Variants in ABHD17C observed in about 807,000 individuals in gnomAD.
ABHD17C encodes the protein abhydrolase domain containing 17C, depalmitoylase.
ABHD17C carries 11 observed loss-of-function variants against 27.9 expected under a neutral mutation model. The observed-to-expected ratio is 0.39, with a 90% confidence interval of 0.25 to 0.65. ABHD17C has a LOEUF of 0.65. Ranked by LOEUF, ABHD17C falls within the 30% of genes least tolerant of loss-of-function variation. The pLI, the probability that ABHD17C is intolerant of heterozygous loss-of-function variation, is 0.45. For missense variants in ABHD17C, 280 were observed against 470.2 expected (o/e 0.60, Z 3.74); for synonymous variants, 233 against 209.1 (o/e 1.11, Z -0.98).
chr15:80,719,264 A>G lies in ABHD17C; in HGVS notation c.590+23245A>G, dbSNP rs1348063678. On this transcript the variant is annotated intron_variant, in intron 1 of 2. Coordinates refer to ENST00000258884, the MANE Select transcript of ABHD17C (RefSeq NM_021214.2). ...TGTTGACTTTCTGCAAAGAAGTGAGAATTTTTCTTGGTTAACCAATTTTGC... is the reference window on the plus strand; with the variant it reads ...TGTTGACTTTCTGCAAAGAAGTGAGGATTTTTCTTGGTTAACCAATTTTGC... Among the ~76,000 whole-genome samples the G allele has an allele frequency of 3.9e-5, 6 of 152,300 alleles. No individual in the cohort carries two copies. In the East Asian group the frequency reaches 1.2e-3, roughly 29 times the overall value.
chr15:80,746,145 G>C (rs547411509), intron 1 of ABHD17C, among the ~76,000 whole-genome samples: 265 of 152,268 alleles, frequency 1.7e-3, no homozygotes, highest in African/African-American at 6.2e-3. Context: ...TAAATGTGTA[G>C]AGTATCACAT....
intron 1 of ABHD17C, among the ~76,000 whole-genome samples, chr15:80,706,707 C>T (rs1894653586): frequency 6.6e-6 from 1 of 152,170 alleles, no homozygotes; most frequent in Non-Finnish European, 1.5e-5. Context: ...CTGTCATGGA[C>T]ATAACTAAAC....
chr15:80,715,114 T>C (rs1894785898), intron 1 of ABHD17C, among the ~76,000 whole-genome samples: 1 of 152,246 alleles, frequency 6.6e-6, no homozygotes, highest in African/African-American at 2.4e-5. Flanking sequence ...TTACTTTGTA[T>C]ACCCCTAGAG....
intron 1 of ABHD17C, among the ~76,000 whole-genome samples, chr15:80,696,855 T>G (rs1182346351): frequency 1.3e-5 from 2 of 152,210 alleles, no homozygotes; most frequent in Non-Finnish European, 2.9e-5. Context: ...TAGACAAAAG[T>G]CTTATACATG....
intron 1 of ABHD17C, among the ~76,000 whole-genome samples, chr15:80,748,968 T>C (rs1342438001): frequency 6.6e-6 from 1 of 152,060 alleles, no homozygotes; most frequent in Non-Finnish European, 1.5e-5. Flanking sequence ...ACTGATGGAT[T>C]GAAAGACTTG....
intron 1 of ABHD17C, among the ~76,000 whole-genome samples, chr15:80,726,264 A>T (rs1487296637): frequency 6.6e-6 from 1 of 151,922 alleles, no homozygotes; most frequent in Non-Finnish European, 1.5e-5. Flanking sequence ...TAAACCCACA[A>T]CCTTCCAGCT....
At position 80,734,189 on chromosome 15, in the gene ABHD17C, T is replaced by C. The variant is rs371101534; in HGVS notation, c.591-15324T>C. Among the ~76,000 whole-genome samples, 10 of 152,232 alleles carry C rather than the reference T, an allele frequency of 6.6e-5. 1 individual carries two copies. Among genetic ancestry groups the C allele is most frequent in the Admixed American group, 6.5e-5 (1 of 15,302 alleles). On this transcript the variant is annotated intron_variant, in intron 1 of 2. Coordinates refer to ENST00000258884, the MANE Select transcript of ABHD17C (RefSeq NM_021214.2). ...TGGTAGAGATAGGGATTCACCATGT[T>C]GCCCAGAGTGGTCTTGAACTCCTGG...
chr15:80,700,997 G>A (rs1006290164), intron 1 of ABHD17C, among the ~76,000 whole-genome samples: 1 of 152,156 alleles, frequency 6.6e-6, no homozygotes, highest in Non-Finnish European at 1.5e-5. Flanking sequence ...TTGAAGTATC[G>A]TTAATCCCAA....
At chr15:80,710,391 A>T (rs985022021) in intron 1 of ABHD17C, among the ~76,000 whole-genome samples, 3 of 152,182 alleles carry the variant, frequency 2.0e-5, no homozygotes, top group Non-Finnish European at 2.9e-5. Context: ...AATGGGAGCC[A>T]TTGGAGGGCT....
At chr15:80,710,983 G>T (rs924487763) in intron 1 of ABHD17C, among the ~76,000 whole-genome samples, 10 of 152,176 alleles carry the variant, frequency 6.6e-5, no homozygotes, top group African/African-American at 1.9e-4. Context: ...AGACCTTTAA[G>T]TGGAGATGTA....
At chr15:80,733,247 TC>T (rs1301467025) in intron 1 of ABHD17C, among the ~76,000 whole-genome samples, 1 of 152,124 alleles carries the variant, frequency 6.6e-6, no homozygotes, top group African/African-American at 2.4e-5. Flanking sequence ...ACTTACAGAA[TC>T]CCTGTTTTAG....
At position 80,695,377 on chromosome 15, in the gene ABHD17C, GGCCAGCCAGCCA is replaced by G; in HGVS notation, c.-41_-30del. The G allele has an allele frequency of 2.6e-6, 3 of 1,140,834 alleles. No homozygotes were observed. The highest frequency in any genetic ancestry group is 3.3e-6 in the Non-Finnish European group (3 of 917,900). 70.7% of individuals were successfully genotyped at this position (1,140,834 alleles called of 1,614,324 possible). A position where few individuals can be genotyped will look rare whatever the true frequency, so the allele number is the denominator to read the frequency against. On this transcript the variant is annotated 5_prime_UTR_variant, in exon 1 of 3. Transcript: ENST00000258884. This position sits in a 1 kb window ranked among gnomAD's most constrained non-coding sequence, Gnocchi z 4.3. ...CGCGCGTCCGTCCTCCGTCCTCCCG[GGCCAGCCAGCCA>G]GCCAGCCAGCCGGGCCGGCGGCGGG... is the stretch of plus-strand genomic sequence containing the variant.
chr15:80,723,134 A>G (rs201108770), intron 1 of ABHD17C, among the ~76,000 whole-genome samples: 695 of 41,260 alleles, frequency 0.017, 4 homozygotes, highest in Non-Finnish European at 0.022. Flanking sequence ...GTGTGTGTGT[A>G]TATATGTGTG....
intron 2 of ABHD17C, among the ~76,000 whole-genome samples, chr15:80,751,355 G>A (rs530141672): frequency 2.0e-5 from 3 of 151,936 alleles, no homozygotes; most frequent in East Asian, 3.9e-4. Flanking sequence ...GCAAGATTCT[G>A]TCTCCAAAGG....
At chr15:80,732,139 A>C (rs902854880) in intron 1 of ABHD17C, among the ~76,000 whole-genome samples, 9 of 152,212 alleles carry the variant, frequency 5.9e-5, no homozygotes, top group Non-Finnish European at 1.2e-4. Context: ...GTGACTGGGC[A>C]GCTACACACC....
chr15:80,724,354 AC>A (rs1894942011), intron 1 of ABHD17C, among the ~76,000 whole-genome samples: 1 of 151,894 alleles, frequency 6.6e-6, no homozygotes, highest in Non-Finnish European at 1.5e-5. Context: ...TCCAAAAAAA[AC>A]CCCTTATCAT....
At chr15:80,725,758 C>T (rs1465833758) in intron 1 of ABHD17C, among the ~76,000 whole-genome samples, 1 of 152,198 alleles carries the variant, frequency 6.6e-6, no homozygotes, top group Non-Finnish European at 1.5e-5. Context: ...GATCCTCCCA[C>T]ATTGGCCTCC....
intron 1 of ABHD17C, among the ~76,000 whole-genome samples, chr15:80,728,834 C>T (rs1178392851): frequency 1.3e-5 from 2 of 152,162 alleles, no homozygotes; most frequent in African/African-American, 4.8e-5. Context: ...TGGTCTCGAA[C>T]TCCTTCGTTC....
intron 1 of ABHD17C, among the ~76,000 whole-genome samples, chr15:80,744,964 T>G (rs1039218628): frequency 6.6e-6 from 1 of 152,226 alleles, no homozygotes; most frequent in Non-Finnish European, 1.5e-5. Context: ...CTCATGAGGT[T>G]TATTTTTAGC....
Sources: allele counts gnomAD v4.1 joint callset (sites outside exome capture counted in the v4.1 genomes callset), GRCh38; gene constraint gnomAD v4.1.1; non-coding constraint Gnocchi (gnomAD v3.1); transcripts MANE v1.5; gene names NCBI Gene and HGNC (gene_info 2026-07-23, HGNC 2026-07-21).